Variants in CPEB3 observed in about 807,000 individuals in gnomAD.
The protein encoded by CPEB3 is cytoplasmic polyadenylation element-binding protein 3.
CPEB3 carries 20 observed loss-of-function variants against 67.2 expected under a neutral mutation model. The observed-to-expected ratio is 0.30, with a 90% CI of 0.21 to 0.43. The LOEUF (loss-of-function observed/expected upper bound fraction) is 0.43, where lower values mean the gene tolerates loss of function less well. Among genes scored for constraint, CPEB3 ranks in the 20% least tolerant of loss-of-function variants. The pLI, the probability that CPEB3 is intolerant of heterozygous loss-of-function variation, is 1.00. For missense variants in CPEB3, 746 were observed against 968.6 expected (o/e 0.77, Z 3.05); for synonymous variants, 376 against 393.1 (o/e 0.96, Z 0.51).
At chr10:92,206,439 T>G (rs1041763246) in intron 2 of CPEB3, among the ~76,000 whole-genome samples, 4 of 152,122 alleles carry the variant, frequency 2.6e-5, no homozygotes, top group Non-Finnish European at 5.9e-5. Flanking sequence ...GTACTCTTTT[T>G]CCCTTTCGTT....
intron 1 of CPEB3, among the ~76,000 whole-genome samples, chr10:92,247,038 G>C (rs1852101168): frequency 6.6e-6 from 1 of 152,048 alleles, no homozygotes; most frequent in South Asian, 2.1e-4. Flanking sequence ...ACTAATCTCT[G>C]CTTTTTTTCC....
intron 3 of CPEB3, among the ~76,000 whole-genome samples, chr10:92,189,848 CTTT>C (rs1848879865): frequency 7.2e-6 from 1 of 139,732 alleles, no homozygotes; most frequent in Non-Finnish European, 1.6e-5. Flanking sequence ...TTTTTTTTTT[CTTT>C]TTTACTTTCC....
At chr10:92,255,455 T>G (rs1241707361) in intron 1 of CPEB3, among the ~76,000 whole-genome samples, 1 of 152,172 alleles carries the variant, frequency 6.6e-6, no homozygotes, top group Non-Finnish European at 1.5e-5. Flanking sequence ...TGTGCATTCT[T>G]CATAAAACAC....
chr10:92,067,688 C>G (rs761211382), intron 9 of CPEB3, among the ~76,000 whole-genome samples: 2 of 151,386 alleles, frequency 1.3e-5, no homozygotes, highest in Non-Finnish European at 2.9e-5. Context: ...CGTGGTGGCA[C>G]GTGCCTGTAA....
chr10:92,289,732 A>AAAAAAAAAAAAAAAAAATATAT, intron 1 of CPEB3, among the ~76,000 whole-genome samples: 6 of 75,766 alleles, frequency 7.9e-5, no homozygotes, highest in Non-Finnish European at 1.3e-4. Context: ...AAAAAAAAAA[A>AAAAAAAAAAAAAAAAAATATAT]ATATATATAT....
chr10:92,178,062 C>A (rs1473897953), intron 4 of CPEB3, among the ~76,000 whole-genome samples: 1 of 152,092 alleles, frequency 6.6e-6, no homozygotes, highest in Non-Finnish European at 1.5e-5. Flanking sequence ...CCAATCCCTT[C>A]TTTTCCGAAA....
chr10:92,193,960 C>A (rs1019104036), intron 2 of CPEB3, among the ~76,000 whole-genome samples: 1 of 151,532 alleles, frequency 6.6e-6, no homozygotes, highest in African/African-American at 2.4e-5. Flanking sequence ...CCATGCCCAG[C>A]TAATTTTTTG....
At chr10:92,197,077 T>G (rs1467992875) in intron 2 of CPEB3, among the ~76,000 whole-genome samples, 4 of 152,192 alleles carry the variant, frequency 2.6e-5, no homozygotes, top group South Asian at 2.1e-4. Flanking sequence ...TCAAGAGTAC[T>G]GAAAAATAAA....
chr10:92,185,688 G>A (rs1013318834), intron 3 of CPEB3, among the ~76,000 whole-genome samples: 10 of 152,118 alleles, frequency 6.6e-5, no homozygotes, highest in African/African-American at 2.4e-4. Context: ...AAGTACATCA[G>A]AAAGCTTCAT....
intron 2 of CPEB3, among the ~76,000 whole-genome samples, chr10:92,199,798 C>T (rs1188605413): frequency 6.6e-6 from 1 of 151,572 alleles, no homozygotes; most frequent in East Asian, 1.9e-4. Context: ...CAGGTCCCTT[C>T]TGCACTATAA....
At chr10:92,161,426 CT>C (rs1847471963) in intron 4 of CPEB3, among the ~76,000 whole-genome samples, 1 of 151,974 alleles carries the variant, frequency 6.6e-6, no homozygotes. Context: ...TGCCTGCCAC[CT>C]TGCCCAGCTA....
At chr10:92,216,735 A>C in intron 2 of CPEB3, 1 of 1,608,334 alleles carries the variant, frequency 6.2e-7, no homozygotes, top group South Asian at 1.1e-5. Context: ...CACGAGGAGT[A>C]CCAGGAGGCT....
At position 92,060,312 on chromosome 10, in the gene CPEB3, C is replaced by T. The variant is rs148781960; in HGVS notation, c.1870-7873G>A. Among the ~76,000 whole-genome samples, 41 of 152,028 alleles carry T rather than the reference C, an allele frequency of 2.7e-4. No homozygotes were observed. In the East Asian group the frequency reaches 2.7e-3, roughly 10 times the overall value. Reference sequence around the variant, plus strand: ...TTGCAGTGAGCCAAGATCATGCCACCGCACTCTAGCCTGGGTGACAGAGGA... The same window carrying T: ...TTGCAGTGAGCCAAGATCATGCCACTGCACTCTAGCCTGGGTGACAGAGGA... On this transcript the variant is annotated intron_variant, in intron 9 of 9. Transcript: ENST00000265997.
chr10:92,281,725 T>C (rs2135082541), intron 1 of CPEB3, among the ~76,000 whole-genome samples: 1 of 152,386 alleles, frequency 6.6e-6, no homozygotes, highest in South Asian at 2.1e-4. Context: ...GAGTATCTTC[T>C]ACTGTTTAAT....
chr10:92,115,086 A>G (rs986289059), intron 6 of CPEB3, among the ~76,000 whole-genome samples: 3 of 152,130 alleles, frequency 2.0e-5, no homozygotes, highest in Non-Finnish European at 4.4e-5. Flanking sequence ...GCCAGTGTGG[A>G]AAGAGCTGCG....
chr10:92,062,143 A>C (rs768326057), intron 9 of CPEB3, among the ~76,000 whole-genome samples: 1 of 150,826 alleles, frequency 6.6e-6, no homozygotes, highest in Non-Finnish European at 1.5e-5. Context: ...CCAGAGGCTG[A>C]GTGAGGCAAG....
chr10:92,093,875 G>A (rs1360609324), intron 7 of CPEB3, among the ~76,000 whole-genome samples: 1 of 151,816 alleles, frequency 6.6e-6, no homozygotes, highest in African/African-American at 2.4e-5. Flanking sequence ...TATTATTTGA[G>A]ACAGAGTGTT....
At chr10:92,070,934 A>T (rs2133128364) in intron 9 of CPEB3, among the ~76,000 whole-genome samples, 1 of 152,236 alleles carries the variant, frequency 6.6e-6, no homozygotes, top group South Asian at 2.1e-4. Context: ...TATCACCTGA[A>T]ATTCCAATTA....
intron 9 of CPEB3, among the ~76,000 whole-genome samples, chr10:92,080,139 G>A (rs767608172): frequency 5.9e-5 from 9 of 151,332 alleles, no homozygotes; most frequent in Admixed American, 3.3e-4. Flanking sequence ...CCCGGGAGGC[G>A]GAGGTTGCAG....
Sources: allele counts gnomAD v4.1 joint callset (sites outside exome capture counted in the v4.1 genomes callset), GRCh38; gene constraint gnomAD v4.1.1; transcripts MANE v1.5; gene names NCBI Gene and HGNC (gene_info 2026-07-23, HGNC 2026-07-21).